The following CA8 variants were observed in gnomAD, a reference collection of about 807,000 sequenced individuals.
CA8 encodes carbonic anhydrase-related protein.
CA8 carries 22 observed loss-of-function variants against 41.4 expected under a neutral mutation model. That is an observed-to-expected ratio of 0.53 (90% CI 0.38 to 0.76). CA8 has a LOEUF of 0.76. CA8 is among the 30% of genes least tolerant of loss of function. The pLI is 0.00. For synonymous variants in CA8, 121 were observed against 130.6 expected (o/e 0.93, Z 0.50); for missense variants, 270 against 352.8 (o/e 0.77, Z 1.88).
rs745858236 is a variant in CA8 at position 60,204,550 on chromosome 8, T to C, written c.*35+4200A>G. 2.4e-4 allele frequency among the ~76,000 whole-genome samples: 37 copies of C among 152,366 alleles called. 1 individual carries two copies. Among genetic ancestry groups the C allele is most frequent in the Non-Finnish European group, 5.1e-4 (35 of 68,040 alleles). Reference sequence around the variant, plus strand: ...TTGAAGAGAGCTCATACAGCTCTTGTATTTTTCATTGGTGGGTTAATAATT... The same window carrying C: ...TTGAAGAGAGCTCATACAGCTCTTGCATTTTTCATTGGTGGGTTAATAATT... On this transcript the variant is annotated intron_variant, in intron 8 of 8. Transcript: ENST00000317995.
intron 8 of CA8, 55 bp from the exon 9 acceptor site, chr8:60,190,040 C>G (rs995019296): frequency 6.7e-6 from 1 of 150,280 alleles, no homozygotes; most frequent in African/African-American, 2.4e-5. Flanking sequence ...TATTCTTCCA[C>G]AGCAGACTGA....
intron 8 of CA8, among the ~76,000 whole-genome samples, chr8:60,205,456 T>C (rs1806546787): frequency 6.6e-6 from 1 of 152,182 alleles, no homozygotes; most frequent in Non-Finnish European, 1.5e-5. Context: ...ACAAGTAAAC[T>C]GGACCTTAAA....
intron 8 of CA8, among the ~76,000 whole-genome samples, chr8:60,201,153 AG>A (rs1183780023): frequency 1.3e-5 from 2 of 152,240 alleles, no homozygotes; most frequent in Non-Finnish European, 2.9e-5. Context: ...ACTGGAAGAG[AG>A]GCAGGTCTGT....
chr8:60,269,462 C>T (rs896022928), intron 2 of CA8, among the ~76,000 whole-genome samples: 2 of 152,150 alleles, frequency 1.3e-5, no homozygotes, highest in East Asian at 1.9e-4. Flanking sequence ...TAAACTGATG[C>T]CATTGCCACA....
Position 60,261,922 on chromosome 8 carries a change from G to C in CA8, c.417+4003C>G, listed in dbSNP as rs184602507. 2.5e-3 allele frequency among the ~76,000 whole-genome samples: 382 copies of C among 152,246 alleles called. 1 individual carries two copies. The highest frequency in any genetic ancestry group is 8.7e-3 in the African/African-American group (363 of 41,542). Reference sequence around the variant, plus strand: ...AGACGGGGTTCCACCATATTAGCCAGGATGGTCTCAATCTCCTGACCTCAT... The same window carrying C: ...AGACGGGGTTCCACCATATTAGCCACGATGGTCTCAATCTCCTGACCTCAT... On this transcript the variant is annotated intron_variant, in intron 3 of 8. Coordinates refer to ENST00000317995, the MANE Select transcript of CA8 (RefSeq NM_004056.6).
intron 2 of CA8, among the ~76,000 whole-genome samples, chr8:60,267,066 G>C (rs1803925525): frequency 6.6e-6 from 1 of 152,232 alleles, no homozygotes; most frequent in African/African-American, 2.4e-5. Context: ...TCTCGAGGAA[G>C]AGTTCTTTCA....
At position 60,187,247 on chromosome 8, in the gene CA8, A is replaced by G. The variant is rs1328376408; in HGVS notation, c.*2774T>C. On this transcript the variant is annotated 3_prime_UTR_variant, in exon 9 of 9. Transcript: ENST00000317995. ...ACCATTGCATCAAAAAGAAATTAAA[A>G]GGCAAAGTATTTTCTAATACCTTGA... is the stretch of plus-strand genomic sequence containing the variant. 1 of 152,158 alleles carries G rather than the reference A, an allele frequency of 6.6e-6. No individual in the cohort carries two copies. Among genetic ancestry groups the G allele is most frequent in the Non-Finnish European group, 1.5e-5 (1 of 67,980 alleles). The allele number at this position is 152,158 out of a possible 1,614,324, so 9.4% of individuals were successfully genotyped here. A position where few individuals can be genotyped will look rare whatever the true frequency, so the allele number is the denominator to read the frequency against.
At chr8:60,238,910 G>T (rs1807925606) in intron 3 of CA8, among the ~76,000 whole-genome samples, 1 of 152,070 alleles carries the variant, frequency 6.6e-6, no homozygotes, top group Non-Finnish European at 1.5e-5. Context: ...GCACTGATGG[G>T]CATTTGACAG....
At chr8:60,271,908 A>T (rs1415421875) in intron 2 of CA8, among the ~76,000 whole-genome samples, 1 of 66,456 alleles carries the variant, frequency 1.5e-5, no homozygotes, top group Non-Finnish European at 3.8e-5. Flanking sequence ...AAGATTCCTG[A>T]GAGACAGTGA....
chr8:60,202,983 T>A (rs1806476281), intron 8 of CA8, among the ~76,000 whole-genome samples: 1 of 151,942 alleles, frequency 6.6e-6, no homozygotes, highest in Non-Finnish European at 1.5e-5. Context: ...TCTCGTGGAG[T>A]AAGTAAAACT....
intron 3 of CA8, among the ~76,000 whole-genome samples, chr8:60,258,994 A>G (rs2130574032): frequency 6.6e-6 from 1 of 152,294 alleles, no homozygotes; most frequent in South Asian, 2.1e-4. Context: ...GAGAAAAATC[A>G]CAAATTGCAT....
At chr8:60,203,744 G>T (rs1806498467) in intron 8 of CA8, among the ~76,000 whole-genome samples, 1 of 151,806 alleles carries the variant, frequency 6.6e-6, no homozygotes, top group African/African-American at 2.4e-5. Flanking sequence ...TGTTTTTTTA[G>T]CATTTTTAGT....
chr8:60,246,339 C>T (rs1393133453), intron 3 of CA8, among the ~76,000 whole-genome samples: 3 of 152,142 alleles, frequency 2.0e-5, no homozygotes, highest in Admixed American at 2.0e-4. Flanking sequence ...GTTGCTCAGG[C>T]CAGAATGCAG....
chr8:60,241,731 T>C (rs998699564), intron 3 of CA8, among the ~76,000 whole-genome samples: 1 of 151,726 alleles, frequency 6.6e-6, no homozygotes, highest in South Asian at 2.1e-4. Flanking sequence ...CCAGGAAATA[T>C]CCTACATTTT....
At chr8:60,270,696 A>G (rs929203082) in intron 2 of CA8, among the ~76,000 whole-genome samples, 4 of 152,192 alleles carry the variant, frequency 2.6e-5, no homozygotes, top group Non-Finnish European at 5.9e-5. Context: ...GATTACAGGC[A>G]TGAGCCACCA....
intron 3 of CA8, among the ~76,000 whole-genome samples, chr8:60,240,893 C>T (rs1442634865): frequency 6.6e-6 from 1 of 151,806 alleles, no homozygotes; most frequent in Admixed American, 6.6e-5. Flanking sequence ...AAGATTATAT[C>T]TCAGCTGTTC....
At chr8:60,207,317 A>C (rs982951676) in intron 8 of CA8, among the ~76,000 whole-genome samples, 1 of 152,256 alleles carries the variant, frequency 6.6e-6, no homozygotes, top group African/African-American at 2.4e-5. Context: ...CATTAGATCC[A>C]TCAGAACATT....
chr8:60,213,850 T>A (rs1161243024), intron 7 of CA8, among the ~76,000 whole-genome samples: 1 of 152,142 alleles, frequency 6.6e-6, no homozygotes, highest in Non-Finnish European at 1.5e-5. Flanking sequence ...GGCCTAGCGC[T>A]GCCCTTCACA....
chr8:60,229,585 C>T (rs923322311), intron 4 of CA8, among the ~76,000 whole-genome samples: 3 of 152,188 alleles, frequency 2.0e-5, no homozygotes, highest in South Asian at 2.1e-4. Flanking sequence ...TCTCTTCACC[C>T]GTCAGTCCGT....
Sources: allele counts gnomAD v4.1 joint callset (sites outside exome capture counted in the v4.1 genomes callset), GRCh38; gene constraint gnomAD v4.1.1; transcripts MANE v1.5; gene names NCBI Gene and HGNC (gene_info 2026-07-23, HGNC 2026-07-21).